DCUN1D1: variants seen among roughly 807,000 people sequenced by gnomAD.
The protein encoded by DCUN1D1 is DCN1-like protein 1.
A neutral mutation model predicts 39.0 loss-of-function variants in DCUN1D1; 3 were observed. The observed-to-expected ratio is 0.08, with a 90% confidence interval of 0.04 to 0.20. DCUN1D1 has a LOEUF of 0.20. DCUN1D1 is among the 10% of genes least tolerant of loss of function. The pLI, the probability that DCUN1D1 is intolerant of heterozygous loss-of-function variation, is 1.00. For missense variants in DCUN1D1, 158 were observed against 302.4 expected (o/e 0.52, Z 3.54); for synonymous variants, 82 against 96.3 (o/e 0.85, Z 0.87).
chr3:182,983,903 A>G (rs373265281), upstream of DCUN1D1, among the ~76,000 whole-genome samples: 8 of 152,212 alleles, frequency 5.3e-5, no homozygotes, highest in South Asian at 1.5e-3. Flanking sequence ...GCAGTTAGGC[A>G]AGTTTCTCCC....
intron 1 of DCUN1D1, among the ~76,000 whole-genome samples, chr3:182,970,775 T>C (rs1327113298): frequency 3.3e-5 from 5 of 152,266 alleles, no homozygotes; most frequent in African/African-American, 1.2e-4. Flanking sequence ...GTTTTAACTT[T>C]AGAAGATCAT....
chr3:182,968,964 T>G (rs953128054), intron 1 of DCUN1D1, among the ~76,000 whole-genome samples: 5 of 152,156 alleles, frequency 3.3e-5, no homozygotes, highest in African/African-American at 1.2e-4. Flanking sequence ...TCAACATATT[T>G]GAAGAAACAG....
In DCUN1D1 at chr3:182,960,307, T is replaced by G. The variant is rs894266467; in HGVS notation, c.520+919A>C. ...AAAAAAAAAATAAAAACAAAATCCT[T>G]TCTGATTTCAAAAGAAGCCTGTGGT... On this transcript the variant is annotated intron_variant, in intron 4 of 6. Transcript: ENST00000292782. Among the ~76,000 whole-genome samples, 18 of 152,318 alleles carry G rather than the reference T, an allele frequency of 1.2e-4. 2 individuals are homozygous for G. Among genetic ancestry groups the G allele is most frequent in the Admixed American group, 1.1e-3 (17 of 15,304 alleles).
chr3:182,945,247 T>C, intron 6 of DCUN1D1, 74 bp from the exon 7 acceptor site: 1 of 1,182,016 alleles, frequency 8.5e-7, no homozygotes, highest in Non-Finnish European at 1.2e-6. Context: ...TTTAGTAGAA[T>C]CCTTTTTTTA....
At position 182,943,685 on chromosome 3, in the gene DCUN1D1, T is replaced by A. The variant is rs1172613621; in HGVS notation, c.*1409A>T. ...ATCATCAAACATTTGAAGTATTACATTTCTAGCCTGCCTTACGGAAATGTT... is the reference window on the plus strand; with the variant it reads ...ATCATCAAACATTTGAAGTATTACAATTCTAGCCTGCCTTACGGAAATGTT... On this transcript the variant is annotated 3_prime_UTR_variant, in exon 7 of 7. Transcript: ENST00000292782. 6.6e-6 allele frequency: 1 copy of A among 152,556 alleles called. No homozygotes were observed. The highest frequency in any genetic ancestry group is 1.5e-5 in the Non-Finnish European group (1 of 68,024). 9.5% of individuals were successfully genotyped at this position (152,556 alleles called of 1,614,324 possible).
chr3:182,978,572 T>C (rs558646370), intron 1 of DCUN1D1, among the ~76,000 whole-genome samples: 1 of 152,186 alleles, frequency 6.6e-6, no homozygotes, highest in South Asian at 2.1e-4. Flanking sequence ...GTCTCACTAC[T>C]ATGTTGCGCA....
chr3:182,965,281 T>A (rs1302498434), intron 2 of DCUN1D1, among the ~76,000 whole-genome samples: 1 of 152,142 alleles, frequency 6.6e-6, no homozygotes, highest in African/African-American at 2.4e-5. Context: ...TTTATACATA[T>A]GAGGGCAGAA....
upstream of DCUN1D1, chr3:182,980,843 C>T (rs555572648): frequency 6.6e-6 from 1 of 152,166 alleles, no homozygotes; most frequent in South Asian, 2.1e-4. Flanking sequence ...ACCTCCGTTT[C>T]CTACGCGGTT....
Position 182,943,086 on chromosome 3 carries a change from A to G in DCUN1D1, c.*2008T>C, listed in dbSNP as rs1726210876. Reference sequence around the variant, plus strand: ...CCAAGGCACTAGGCCACGAACCAATATGACTTTTAAAGAAAACACTTTATA... The same window carrying G: ...CCAAGGCACTAGGCCACGAACCAATGTGACTTTTAAAGAAAACACTTTATA... On this transcript the variant is annotated 3_prime_UTR_variant, in exon 7 of 7. Coordinates refer to ENST00000292782, the MANE Select transcript of DCUN1D1 (RefSeq NM_020640.4). 6.8e-6 allele frequency: 1 copy of G among 146,296 alleles called. No individual in the cohort carries two copies. Among genetic ancestry groups the G allele is most frequent in the Admixed American group, 6.8e-5 (1 of 14,660 alleles). 9.1% of individuals were successfully genotyped at this position (146,296 alleles called of 1,614,324 possible). A position where few individuals can be genotyped will look rare whatever the true frequency, so the allele number is the denominator to read the frequency against.
intron 1 of DCUN1D1, among the ~76,000 whole-genome samples, chr3:182,967,750 CTT>C (rs1727744388): frequency 6.6e-6 from 1 of 152,208 alleles, no homozygotes; most frequent in Admixed American, 6.5e-5. Flanking sequence ...CTATCTCCTC[CTT>C]GAGATTTACT....
chr3:182,967,652 G>A (rs4859148), intron 1 of DCUN1D1, among the ~76,000 whole-genome samples: 97,269 of 152,000 alleles, frequency 0.64, 31,760 homozygotes, highest in Non-Finnish European at 0.67. Context: ...TACTTCACTA[G>A]TAACTCTACA....
At chr3:182,957,482 C>T (rs1446211168) in intron 4 of DCUN1D1, among the ~76,000 whole-genome samples, 1 of 151,986 alleles carries the variant, frequency 6.6e-6, no homozygotes, top group Non-Finnish European at 1.5e-5. Flanking sequence ...TAAAAATTAG[C>T]CAGGCATGGT....
chr3:182,973,053 G>A (rs546412080), intron 1 of DCUN1D1, among the ~76,000 whole-genome samples: 2 of 152,016 alleles, frequency 1.3e-5, no homozygotes, highest in African/African-American at 2.4e-5. Flanking sequence ...AAAAAAAAAG[G>A]GGGGGGCTCT....
rs1337147754 is a variant in DCUN1D1 at position 182,940,890 on chromosome 3, C to G, written c.*4204G>C. ...AAAATGGACAACTATAACATGATTC[C>G]CTTTAAATAATTTCCCTTTAAAACT... On this transcript the variant is annotated 3_prime_UTR_variant, in exon 7 of 7. Transcript: ENST00000292782. 6.6e-6 allele frequency: 1 copy of G among 152,076 alleles called. No individual in the cohort carries two copies. The allele number at this position is 152,076 out of a possible 1,614,324, so 9.4% of individuals were successfully genotyped here. A position where few individuals can be genotyped will look rare whatever the true frequency, so the allele number is the denominator to read the frequency against.
chr3:182,984,156 T>C (rs1340172616), upstream of DCUN1D1, among the ~76,000 whole-genome samples: 1 of 152,204 alleles, frequency 6.6e-6, no homozygotes, highest in Non-Finnish European at 1.5e-5. Flanking sequence ...CTATATTGTT[T>C]GTTATTGTAA....
chr3:182,946,097 T>C (rs1017907377), intron 6 of DCUN1D1, among the ~76,000 whole-genome samples: 3 of 151,988 alleles, frequency 2.0e-5, no homozygotes, highest in African/African-American at 7.3e-5. Context: ...GAAATATGTA[T>C]GAAGAAATCA....
intron 3 of DCUN1D1, 58 bp downstream of exon 3, chr3:182,963,823 T>C (rs1727524617): frequency 1.4e-6 from 2 of 1,398,912 alleles, no homozygotes; most frequent in Non-Finnish European, 1.9e-6. Flanking sequence ...AAAAAGTTCA[T>C]GACATAATTC....
intron 4 of DCUN1D1, among the ~76,000 whole-genome samples, chr3:182,948,145 C>A (rs1726512334): frequency 6.6e-6 from 1 of 152,116 alleles, no homozygotes; most frequent in Non-Finnish European, 1.5e-5. Flanking sequence ...TGAGGGCCAA[C>A]CCAGATGAGA....
At chr3:182,969,462 TTC>T (rs938086054) in intron 1 of DCUN1D1, among the ~76,000 whole-genome samples, 11 of 152,326 alleles carry the variant, frequency 7.2e-5, no homozygotes, top group Admixed American at 3.9e-4. Flanking sequence ...GATGGATTTT[TTC>T]TCTGTTTCTA....
Sources: allele counts gnomAD v4.1 joint callset (sites outside exome capture counted in the v4.1 genomes callset), GRCh38; gene constraint gnomAD v4.1.1; transcripts MANE v1.5; gene names NCBI Gene and HGNC (gene_info 2026-07-23, HGNC 2026-07-21).